Variants in PNOC observed in about 807,000 individuals in gnomAD.
PNOC encodes the protein prepronociceptin, also known as nociceptin.
PNOC carries 10 observed loss-of-function variants against 15.6 expected under a neutral mutation model. That is an observed-to-expected ratio of 0.64 (90% CI 0.40 to 1.09). The LOEUF (loss-of-function observed/expected upper bound fraction) is 1.09, where lower values mean the gene tolerates loss of function less well. PNOC is among the 50% of genes least tolerant of loss of function. The probability of loss-of-function intolerance (pLI) is 0.01; values close to 1 mark genes in which losing one functional copy is unlikely to be tolerated. For synonymous variants in PNOC, 98 were observed against 88.5 expected (o/e 1.11, Z -0.60); for missense variants, 220 against 223.9 (o/e 0.98, Z 0.11).
At chr8:28,319,335 C>G (rs913058708) in intron 1 of PNOC, among the ~76,000 whole-genome samples, 7 of 152,028 alleles carry the variant, frequency 4.6e-5, no homozygotes, top group African/African-American at 1.5e-4. Flanking sequence ...ATTAGAGGAC[C>G]ATGCAAGGCA....
At chr8:28,325,730 C>T (rs1347621701) in intron 1 of PNOC, among the ~76,000 whole-genome samples, 1 of 149,470 alleles carries the variant, frequency 6.7e-6, no homozygotes, top group Non-Finnish European at 1.5e-5. Flanking sequence ...TACACGTGAT[C>T]GGCTGAGACT....
chr8:28,332,172 G>A (rs1040926087), intron 2 of PNOC, among the ~76,000 whole-genome samples: 1 of 152,206 alleles, frequency 6.6e-6, no homozygotes, highest in Admixed American at 6.5e-5. Context: ...CCCCCCGGAG[G>A]ATGTGGCTGC....
chr8:28,342,062 G>A (rs1282555037), intron 3 of PNOC, among the ~76,000 whole-genome samples: 1 of 152,148 alleles, frequency 6.6e-6, no homozygotes. Context: ...ACCCTATTCA[G>A]GGCCGGGCGC....
At chr8:28,320,840 G>T (rs1442329233) in intron 1 of PNOC, among the ~76,000 whole-genome samples, 2 of 138,480 alleles carry the variant, frequency 1.4e-5, no homozygotes, top group Non-Finnish European at 3.1e-5. Context: ...GACAGAGCGA[G>T]ACTCCATCTC....
At chr8:28,330,396 A>ATTTTATTTTATTTTATTTTTTTTTT (rs377288105) in intron 2 of PNOC, among the ~76,000 whole-genome samples, 1 of 80,416 alleles carries the variant, frequency 1.2e-5, no homozygotes, top group African/African-American at 3.9e-5. Flanking sequence ...ATTTTATTTT[A>ATTTTATTTTATTTTATTTTTTTTTT]TTTTTTTTTT....
chr8:28,339,593 T>TCCC, intron 3 of PNOC, 102 bp downstream of exon 3: 1 of 863,384 alleles, frequency 1.2e-6, no homozygotes, highest in Non-Finnish European at 1.6e-6. Context: ...CCCCGCCCCC[T>TCCC]CCCCACTCCA....
intron 2 of PNOC, among the ~76,000 whole-genome samples, chr8:28,330,396 A>ATTTTTTTTTTTTTTTTTTTTTTT (rs67554549): frequency 1.6e-4 from 13 of 80,412 alleles, no homozygotes; most frequent in Non-Finnish European, 2.9e-4. Flanking sequence ...ATTTTATTTT[A>ATTTTTTTTTTTTTTTTTTTTTTT]TTTTTTTTTT....
chr8:28,335,684 C>T (rs951284518), intron 2 of PNOC, among the ~76,000 whole-genome samples: 6 of 152,094 alleles, frequency 3.9e-5, no homozygotes, highest in Admixed American at 1.3e-4. Flanking sequence ...TGCACCACCA[C>T]GCCCAGCTTA....
chr8:28,318,202 T>C (rs1801090690), intron 1 of PNOC, among the ~76,000 whole-genome samples: 1 of 152,158 alleles, frequency 6.6e-6, no homozygotes, highest in Admixed American at 6.5e-5. Context: ...CCGGCTTCAC[T>C]ACCCAGCCCC....
chr8:28,328,317 A>G (rs753555163), intron 1 of PNOC, among the ~76,000 whole-genome samples: 6 of 151,910 alleles, frequency 3.9e-5, no homozygotes, highest in Non-Finnish European at 8.8e-5. Flanking sequence ...ACCTCTAGTG[A>G]TCCACCTGCC....
intron 2 of PNOC, among the ~76,000 whole-genome samples, chr8:28,337,301 G>T (rs953273835): frequency 7.4e-6 from 1 of 134,348 alleles, no homozygotes; most frequent in Non-Finnish European, 1.8e-5. Flanking sequence ...TCTGATGCCC[G>T]ATCACCTTTT....
At chr8:28,320,095 T>C (rs1267614493) in intron 1 of PNOC, among the ~76,000 whole-genome samples, 1 of 79,098 alleles carries the variant, frequency 1.3e-5, no homozygotes. Flanking sequence ...TTTCTTTCTT[T>C]TTTTTTTTTT....
chr8:28,336,130 T>C (rs1376231003), intron 2 of PNOC, among the ~76,000 whole-genome samples: 1 of 152,196 alleles, frequency 6.6e-6, no homozygotes, highest in South Asian at 2.1e-4. Flanking sequence ...CCTTCTTTTA[T>C]ACTCTTAGCT....
intron 3 of PNOC, among the ~76,000 whole-genome samples, chr8:28,342,694 G>C (rs115308837): frequency 0.015 from 2,287 of 152,294 alleles, 43 homozygotes; most frequent in African/African-American, 0.042. Flanking sequence ...GAAGGGGCTT[G>C]CCACTGTGCC....
At position 28,339,051 on chromosome 8, in the gene PNOC, C is replaced by T; in HGVS notation, c.138C>T (p.Leu46=). ...CCGTATCTTTGCAGGTGTGCATCCTCGAGTGTGAAGAGAAGGTCTTCCCCA... is the reference window on the plus strand; with the variant it reads ...CCGTATCTTTGCAGGTGTGCATCCTTGAGTGTGAAGAGAAGGTCTTCCCCA... ...LDSFDLEVCI[L]ECEEKVFPSP... is the part of the protein sequence containing the mutation. Residue 46 remains leucine, a synonymous_variant, in exon 3 of 4, where the codon CTC becomes CTT. Transcript: ENST00000301908. The T allele has an allele frequency of 6.3e-7, 1 of 1,584,326 alleles. No homozygotes were observed. The highest frequency in any genetic ancestry group is 8.6e-7 in the Non-Finnish European group (1 of 1,156,520).
intron 1 of PNOC, among the ~76,000 whole-genome samples, chr8:28,327,807 T>C (rs1801250248): frequency 6.6e-6 from 1 of 151,778 alleles, no homozygotes; most frequent in African/African-American, 2.4e-5. Flanking sequence ...TGAGCCACTC[T>C]GCCCTGCCAA....
chr8:28,323,530 AG>A (rs1314409344), intron 1 of PNOC, among the ~76,000 whole-genome samples: 1 of 152,240 alleles, frequency 6.6e-6, no homozygotes, highest in Non-Finnish European at 1.5e-5. Context: ...CAAAGTATAA[AG>A]TTTCAGCATC....
chr8:28,342,067 G>A (rs1296800072), intron 3 of PNOC, among the ~76,000 whole-genome samples: 2 of 152,186 alleles, frequency 1.3e-5, no homozygotes, highest in East Asian at 1.9e-4. Context: ...ATTCAGGGCC[G>A]GGCGCGGTAG....
chr8:28,339,098 C>G lies in PNOC; in HGVS notation c.185C>G (p.Thr62Ser), dbSNP rs376273170. The G allele has an allele frequency of 6.6e-5, 106 of 1,606,224 alleles. No homozygotes were observed. The highest frequency in any genetic ancestry group is 8.7e-5 in the Non-Finnish European group (102 of 1,173,482). ...VFPSPLWTPC[T>S]KVMARSSWQL... ...CCCAGCCCCCTCTGGACTCCATGCACCAAGGTCATGGCCAGGAGCTCTTGG... is the reference window on the plus strand; with the variant it reads ...CCCAGCCCCCTCTGGACTCCATGCAGCAAGGTCATGGCCAGGAGCTCTTGG... Residue 62 changes from threonine to serine, a missense_variant, in exon 3 of 4, where the codon ACC (threonine) becomes AGC (serine). Coordinates refer to ENST00000301908, the MANE Select transcript of PNOC (RefSeq NM_006228.5).
Sources: allele counts gnomAD v4.1 joint callset (sites outside exome capture counted in the v4.1 genomes callset), GRCh38; gene constraint gnomAD v4.1.1; transcripts MANE v1.5; gene names NCBI Gene and HGNC (gene_info 2026-07-23, HGNC 2026-07-21).